The following ZNF385B variants were observed in gnomAD, a reference collection of about 807,000 sequenced individuals.
ZNF385B encodes zinc finger protein 533.
ZNF385B carries 23 observed loss-of-function variants against 39.2 expected under a neutral mutation model. That is an observed-to-expected ratio of 0.59 (90% CI 0.42 to 0.83). The LOEUF (loss-of-function observed/expected upper bound fraction) is 0.83. ZNF385B is among the 40% of genes least tolerant of loss of function. ZNF385B has a pLI of 0.00. For missense variants in ZNF385B, 552 were observed against 598.9 expected (o/e 0.92, Z 0.82); for synonymous variants, 205 against 222.6 (o/e 0.92, Z 0.70).
chr2:179,503,617 A>G (rs954438319), intron 5 of ZNF385B, among the ~76,000 whole-genome samples: 5 of 152,216 alleles, frequency 3.3e-5, no homozygotes, highest in Admixed American at 2.6e-4. Flanking sequence ...ATCCCCTTCT[A>G]TAACTATCTG....
intron 1 of ZNF385B, among the ~76,000 whole-genome samples, chr2:179,812,639 T>C (rs1471535436): frequency 6.6e-6 from 1 of 152,066 alleles, no homozygotes; most frequent in Non-Finnish European, 1.5e-5. Flanking sequence ...CGGCAACCAC[T>C]AGAGCACAGA....
At chr2:179,515,440 A>G (rs1227742771) in intron 5 of ZNF385B, among the ~76,000 whole-genome samples, 1 of 152,210 alleles carries the variant, frequency 6.6e-6, no homozygotes, top group African/African-American at 2.4e-5. Context: ...CCAGTGTTAA[A>G]GATGCAGCAT....
intron 3 of ZNF385B, among the ~76,000 whole-genome samples, chr2:179,732,195 AG>A (rs1701438436): frequency 6.6e-6 from 1 of 152,220 alleles, no homozygotes; most frequent in Non-Finnish European, 1.5e-5. Flanking sequence ...GGAAATTCAC[AG>A]AATTTTAGAA....
At chr2:179,526,036 A>ATTTTT (rs3054031) in intron 4 of ZNF385B, among the ~76,000 whole-genome samples, 11 of 129,168 alleles carry the variant, frequency 8.5e-5, no homozygotes, top group African/African-American at 1.7e-4. Context: ...TTAACCACAG[A>ATTTTT]TTTTTTTTTT....
chr2:179,625,745 C>A (rs1690603505), intron 3 of ZNF385B, among the ~76,000 whole-genome samples: 1 of 152,044 alleles, frequency 6.6e-6, no homozygotes, highest in Non-Finnish European at 1.5e-5. Context: ...CTATGTTATA[C>A]TAAATTATGT....
intron 6 of ZNF385B, among the ~76,000 whole-genome samples, chr2:179,447,501 C>G (rs1268261327): frequency 6.6e-6 from 1 of 152,138 alleles, no homozygotes; most frequent in Non-Finnish European, 1.5e-5. Flanking sequence ...CCTCAAGGCC[C>G]ATGTGCAGGC....
chr2:179,792,375 C>CTTTTTTTTTTTTTTTTTTTTTTT (rs374147864), intron 1 of ZNF385B, among the ~76,000 whole-genome samples: 2 of 124,120 alleles, frequency 1.6e-5, no homozygotes, highest in African/African-American at 6.2e-5. Context: ...ATTTTCTTTT[C>CTTTTTTTTTTTTTTTTTTTTTTT]TTTTTTTTTT....
intron 3 of ZNF385B, among the ~76,000 whole-genome samples, chr2:179,759,545 A>G (rs1703243101): frequency 6.6e-6 from 1 of 152,128 alleles, no homozygotes; most frequent in Non-Finnish European, 1.5e-5. Context: ...CTCCAATAAT[A>G]AGAAACTATT....
chr2:179,442,979 T>C lies in ZNF385B; in HGVS notation c.*271A>G, dbSNP rs947228315. On this transcript the variant is annotated 3_prime_UTR_variant, in exon 10 of 10. Coordinates refer to ENST00000410066, the MANE Select transcript of ZNF385B (RefSeq NM_152520.6). ...ACCAATACATGCTCAAGAAATCAAA[T>C]ATCTGAGATACACAAATTGAACGCG... 19 of 540,776 alleles carry C rather than the reference T, an allele frequency of 3.5e-5. No individual in the cohort carries two copies. The highest frequency in any genetic ancestry group is 4.3e-5 in the Non-Finnish European group (13 of 301,250). 33.5% of individuals were successfully genotyped at this position (540,776 alleles called of 1,614,324 possible).
At position 179,741,001 on chromosome 2, in the gene ZNF385B, A is replaced by G. The variant is rs2106449929; in HGVS notation, c.298+28502T>C. Among the ~76,000 whole-genome samples, 3 of 152,284 alleles carry G rather than the reference A, an allele frequency of 2.0e-5. No homozygotes were observed. The Middle Eastern group carries it at 0.01, about 518-fold the overall frequency. Reference sequence around the variant, plus strand: ...AAAATGAACTAGATTATTTGGTGGGAGTAACATTTAATTCAAAGAAGATAT... The same window carrying G: ...AAAATGAACTAGATTATTTGGTGGGGGTAACATTTAATTCAAAGAAGATAT... On this transcript the variant is annotated intron_variant, in intron 3 of 9. Coordinates refer to ENST00000410066, the MANE Select transcript of ZNF385B (RefSeq NM_152520.6).
At position 179,853,419 on chromosome 2, in the gene ZNF385B, C is replaced by T. The variant is rs1263656240; in HGVS notation, c.-155+7682G>A. ...TAAGTTACTTGGTCTTCCAAAAGTT[C>T]AAGAACCCAAGTGTACCTGTGCTTC... On this transcript the variant is annotated intron_variant, in intron 1 of 9. Transcript: ENST00000410066. Among the ~76,000 whole-genome samples, 3 of 152,178 alleles carry T rather than the reference C, an allele frequency of 2.0e-5. No homozygotes were observed. In the East Asian group the frequency reaches 5.8e-4, roughly 29 times the overall value.
chr2:179,459,141 A>G (rs746819764), intron 6 of ZNF385B, among the ~76,000 whole-genome samples: 25 of 152,222 alleles, frequency 1.6e-4, no homozygotes, highest in Admixed American at 4.6e-4. Context: ...TCTGATTCCC[A>G]GAAGAATTAA....
Position 179,586,987 on chromosome 2 carries a change from C to T in ZNF385B, c.299-42018G>A, listed in dbSNP as rs554690957. ...CTGGGAGGTGGAGGTTGTAGTGAGC[C>T]GAGATCATGCCATTGCACTCCAGCC... On this transcript the variant is annotated intron_variant, in intron 3 of 9. Coordinates refer to ENST00000410066, the MANE Select transcript of ZNF385B (RefSeq NM_152520.6). 3.9e-5 allele frequency among the ~76,000 whole-genome samples: 6 copies of T among 152,050 alleles called. No homozygotes were observed. The East Asian group carries it at 7.8e-4, about 20-fold the overall frequency.
chr2:179,808,055 C>T (rs1056734727), intron 1 of ZNF385B, among the ~76,000 whole-genome samples: 12 of 151,554 alleles, frequency 7.9e-5, no homozygotes, highest in Admixed American at 6.6e-5. Flanking sequence ...TTGTTTGTGA[C>T]GGAGTCTTGC....
chr2:179,804,490 G>C lies in ZNF385B; in HGVS notation c.-154-33818C>G, dbSNP rs114533491. On this transcript the variant is annotated intron_variant, in intron 1 of 9. Transcript: ENST00000410066. ...TTCATGATCTACAGGAGCCTGAATG[G>C]AGCAGTGGGGGAGAAGGTACTCTAA... Among the ~76,000 whole-genome samples, 1,232 of 152,272 alleles carry C rather than the reference G, an allele frequency of 8.1e-3. 18 individuals carry two copies. The highest frequency in any genetic ancestry group is 0.028 in the African/African-American group (1,151 of 41,560).
intron 1 of ZNF385B, among the ~76,000 whole-genome samples, chr2:179,772,658 T>G (rs546079307): frequency 1.3e-5 from 2 of 152,368 alleles, no homozygotes; most frequent in Non-Finnish European, 1.5e-5. Flanking sequence ...ACATTTATAA[T>G]GTCAGCTTTC....
In ZNF385B at chr2:179,544,835, A is replaced by C. The variant is rs1402770828; in HGVS notation, c.433T>G (p.Phe145Val). Residue 145 changes from phenylalanine to valine, a missense_variant, in exon 4 of 10, where the codon TTT (phenylalanine) becomes GTT (valine). Phe to Val is a conservative substitution (Grantham distance 50). Transcript: ENST00000410066. ...SSSAVGLFPN[F>V]NTMDPVQKAV... ...GAAATGAATTTACTCACTGTGTTAA[A>C]ATTTGGAAAGAGCCCAACAGCAGAA... 2 of 1,613,970 alleles carry C rather than the reference A, an allele frequency of 1.2e-6. No homozygotes were observed. Among genetic ancestry groups the C allele is most frequent in the Non-Finnish European group, 1.7e-6 (2 of 1,179,952 alleles).
intron 1 of ZNF385B, among the ~76,000 whole-genome samples, chr2:179,821,483 C>T (rs760951805): frequency 1.3e-5 from 2 of 152,098 alleles, no homozygotes; most frequent in Non-Finnish European, 2.9e-5. Context: ...TTTTATACCA[C>T]ACCCCTTGGT....
intron 3 of ZNF385B, among the ~76,000 whole-genome samples, chr2:179,727,415 A>G (rs941948556): frequency 2.0e-5 from 3 of 152,004 alleles, no homozygotes; most frequent in Non-Finnish European, 4.4e-5. Flanking sequence ...CTATCTTATA[A>G]TGACACACTT....
Sources: gnomAD v4.1 joint callset for allele counts (sites outside exome capture counted in the v4.1 genomes callset) on GRCh38, gnomAD v4.1.1 for gene constraint, MANE v1.5 for transcripts, NCBI Gene and HGNC (gene_info 2026-07-23, HGNC 2026-07-21) for gene names.